Variants in KIAA0825 observed in about 807,000 individuals in gnomAD.
KIAA0825 encodes uncharacterized protein KIAA0825.
KIAA0825 carries 119 observed loss-of-function variants against 147.6 expected under a neutral mutation model. The ratio of observed to expected loss-of-function variants is 0.81; its 90% CI spans 0.69 to 0.94. KIAA0825 has a LOEUF of 0.94. Among genes scored for constraint, KIAA0825 ranks in the 40% least tolerant of loss-of-function variants. The probability of loss-of-function intolerance (pLI) is 0.00; values close to 1 mark genes in which losing one functional copy is unlikely to be tolerated. For missense variants in KIAA0825, 1,381 were observed against 1,472.7 expected, an observed-to-expected ratio of 0.94 and a Z score of 1.02; for synonymous variants, 470 against 518.1, an observed-to-expected ratio of 0.91 and a Z score of 1.26.
intron 5 of KIAA0825, among the ~76,000 whole-genome samples, chr5:94,512,343 A>T (rs1043745857): frequency 1.3e-5 from 2 of 152,146 alleles, no homozygotes; most frequent in Non-Finnish European, 2.9e-5. Flanking sequence ...ATAATATTCA[A>T]CGTTTATAAT....
intron 20 of KIAA0825, among the ~76,000 whole-genome samples, chr5:94,189,067 T>C (rs534431162): frequency 1.5e-3 from 221 of 152,340 alleles, no homozygotes; most frequent in Non-Finnish European, 2.1e-3. Flanking sequence ...TGGCCATTTG[T>C]ATATTATCTT....
chr5:94,315,225 T>C (rs1470722627), intron 20 of KIAA0825, among the ~76,000 whole-genome samples: 1 of 151,668 alleles, frequency 6.6e-6, no homozygotes, highest in African/African-American at 2.4e-5. Flanking sequence ...AAAGGCGTCT[T>C]CTTTTTTAAA....
Position 94,417,303 on chromosome 5 carries a change from TA to T in KIAA0825, c.2559del (p.Phe853LeufsTer19). On this transcript the variant is annotated frameshift_variant, in exon 15 of 21. Transcript: ENST00000682413. LOFTEE classifies it high-confidence loss of function. Reference sequence around the variant, plus strand: ...GAAAAACTGCAATGGTACAATATTTTAAAGATGGCTTCCATCAAGCTGGGTC... The same window carrying T: ...GAAAAACTGCAATGGTACAATATTTTAAGATGGCTTCCATCAAGCTGGGTC... ...NQGPSLMEAI[F>X]KILYHCSFSP... 6.4e-7 allele frequency: 1 copy of T among 1,550,644 alleles called. No individual in the cohort carries two copies. Among genetic ancestry groups the T allele is most frequent in the South Asian group, 1.2e-5 (1 of 84,018 alleles).
At chr5:94,263,910 T>C (rs1242951978) in intron 20 of KIAA0825, among the ~76,000 whole-genome samples, 3 of 152,142 alleles carry the variant, frequency 2.0e-5, no homozygotes, top group Non-Finnish European at 4.4e-5. Context: ...GTACAGAATA[T>C]AGGGATCATT....
At chr5:94,156,621 A>G (rs1767052402) in intron 20 of KIAA0825, among the ~76,000 whole-genome samples, 1 of 152,212 alleles carries the variant, frequency 6.6e-6, no homozygotes. Context: ...AATCCATGAT[A>G]AGGATTTTTG....
At chr5:94,184,333 A>G (rs1224642699) in intron 20 of KIAA0825, among the ~76,000 whole-genome samples, 1 of 152,168 alleles carries the variant, frequency 6.6e-6, no homozygotes, top group Non-Finnish European at 1.5e-5. Context: ...AAATATTATT[A>G]TCCCCATTTT....
At chr5:94,304,414 G>A (rs952497352) in intron 20 of KIAA0825, among the ~76,000 whole-genome samples, 1 of 152,052 alleles carries the variant, frequency 6.6e-6, no homozygotes, top group Non-Finnish European at 1.5e-5. Flanking sequence ...GGCAGGTGAG[G>A]GGGGGTGACC....
intron 20 of KIAA0825, among the ~76,000 whole-genome samples, chr5:94,328,669 A>G (rs763512973): frequency 6.6e-6 from 1 of 152,100 alleles, no homozygotes; most frequent in Non-Finnish European, 1.5e-5. Context: ...ATAATAAGAT[A>G]TACTGAGGAA....
At chr5:94,474,933 C>G (rs938862226) in intron 7 of KIAA0825, among the ~76,000 whole-genome samples, 2 of 151,870 alleles carry the variant, frequency 1.3e-5, no homozygotes, top group Non-Finnish European at 2.9e-5. Context: ...ACTAAAAATA[C>G]AAAAAATTAG....
intron 2 of KIAA0825, among the ~76,000 whole-genome samples, chr5:94,563,117 G>A (rs1470643938): frequency 2.0e-5 from 3 of 151,780 alleles, no homozygotes; most frequent in African/African-American, 7.3e-5. Context: ...CGAGGTGGGT[G>A]TATCACAAGG....
At position 94,151,832 on chromosome 5, in the gene KIAA0825, ATTAAT is replaced by A. The variant is rs1175471632; in HGVS notation, c.*2170_*2174del. 6.6e-6 allele frequency among the ~76,000 whole-genome samples: 1 copy of A among 152,190 alleles called. No homozygotes were observed. Among genetic ancestry groups the A allele is most frequent in the African/African-American group, 2.4e-5 (1 of 41,458 alleles). Reference sequence around the variant, plus strand: ...TAAGATGTTGTATCTAGTTTATTGGATTAATTTATTTTTAACTTTCCATTTTTGCA... The same window carrying A: ...TAAGATGTTGTATCTAGTTTATTGGATTATTTTTAACTTTCCATTTTTGCA... On this transcript the variant is annotated 3_prime_UTR_variant, in exon 21 of 21. Coordinates refer to ENST00000682413, the MANE Select transcript of KIAA0825 (RefSeq NM_001145678.3).
At chr5:94,346,945 G>A (rs1783069039) in intron 20 of KIAA0825, among the ~76,000 whole-genome samples, 1 of 152,136 alleles carries the variant, frequency 6.6e-6, no homozygotes, top group African/African-American at 2.4e-5. Flanking sequence ...ACTCTGCCTG[G>A]AAAAGGTCTG....
chr5:94,523,109 CA>C (rs1027010539), intron 4 of KIAA0825, among the ~76,000 whole-genome samples: 1 of 151,574 alleles, frequency 6.6e-6, no homozygotes, highest in African/African-American at 2.4e-5. Flanking sequence ...TAACAACAGG[CA>C]AAAACTATTT....
intron 16 of KIAA0825, among the ~76,000 whole-genome samples, chr5:94,399,205 C>G (rs1443794809): frequency 6.6e-6 from 1 of 152,046 alleles, no homozygotes; most frequent in Non-Finnish European, 1.5e-5. Context: ...GCAAATCTTC[C>G]TTAGTGTTCT....
intron 20 of KIAA0825, among the ~76,000 whole-genome samples, chr5:94,372,132 G>A (rs1202421860): frequency 2.0e-5 from 3 of 152,314 alleles, no homozygotes; most frequent in South Asian, 4.1e-4. Context: ...CATGGCCTTG[G>A]GCAGCTCTGC....
chr5:94,553,389 G>A (rs1305751586), intron 2 of KIAA0825, among the ~76,000 whole-genome samples: 2 of 139,828 alleles, frequency 1.4e-5, no homozygotes, highest in Non-Finnish European at 3.0e-5. Context: ...GCACTGAGGC[G>A]AAATCACACC....
chr5:94,559,439 A>G (rs1324793677), intron 2 of KIAA0825, among the ~76,000 whole-genome samples: 3 of 152,224 alleles, frequency 2.0e-5, no homozygotes, highest in Non-Finnish European at 4.4e-5. Context: ...AAAATAGGAC[A>G]CAAAATGAAA....
chr5:94,564,361 G>A (rs927905827), intron 2 of KIAA0825, among the ~76,000 whole-genome samples: 18 of 150,734 alleles, frequency 1.2e-4, no homozygotes, highest in African/African-American at 4.4e-4. Flanking sequence ...ACCGGCATGA[G>A]CCACCATGCC....
At chr5:94,344,548 C>T (rs1026144042) in intron 20 of KIAA0825, among the ~76,000 whole-genome samples, 1 of 152,192 alleles carries the variant, frequency 6.6e-6, no homozygotes, top group South Asian at 2.1e-4. Context: ...AATTTTGTTT[C>T]TAGGTATATA....
Sources: allele counts gnomAD v4.1 joint callset (sites outside exome capture counted in the v4.1 genomes callset), GRCh38; gene constraint gnomAD v4.1.1; transcripts MANE v1.5; gene names NCBI Gene and HGNC (gene_info 2026-07-23, HGNC 2026-07-21).